The following NLGN4X variants were observed in gnomAD, a reference collection of about 807,000 sequenced individuals.
The protein encoded by NLGN4X is neuroligin-4, X-linked.
NLGN4X carries 3 observed loss-of-function variants against 40.3 expected under a neutral mutation model. That is an observed-to-expected ratio of 0.07 (90% CI 0.03 to 0.19). NLGN4X has a LOEUF of 0.19. Among genes scored for constraint, NLGN4X ranks in the 10% least tolerant of loss-of-function variants. The pLI, the probability that NLGN4X is intolerant of heterozygous loss-of-function variation, is 1.00. For missense variants in NLGN4X, 382 were observed against 708.3 expected, an observed-to-expected ratio of 0.54 and a Z score of 5.23; for synonymous variants, 270 against 306.8, an observed-to-expected ratio of 0.88 and a Z score of 1.25.
At chrX:6,090,594 A>G (rs2038611965) in intron 2 of NLGN4X, among the ~76,000 whole-genome samples, 1 of 112,036 alleles carries the variant, frequency 8.9e-6, no homozygotes. Flanking sequence ...TTAAGACTCA[A>G]TCAAAGAACA....
intron 2 of NLGN4X, among the ~76,000 whole-genome samples, chrX:6,114,215 C>G (rs1428232365): frequency 9.0e-6 from 1 of 111,610 alleles, no homozygotes; most frequent in Non-Finnish European, 1.9e-5. Context: ...TTTAAATCCT[C>G]AGAGACTTTA....
chrX:6,032,658 A>G, intron 2 of NLGN4X: 1 of 1,029,413 alleles, frequency 9.7e-7, no homozygotes, highest in East Asian at 3.1e-5. Flanking sequence ...AAAATCATGC[A>G]CTGGGGTTGA....
chrX:5,959,105 CAT>C (rs765880414), intron 3 of NLGN4X, among the ~76,000 whole-genome samples: 1 of 112,052 alleles, frequency 8.9e-6, no homozygotes, highest in Non-Finnish European at 1.9e-5. Context: ...GAAAACAGTT[CAT>C]ATGTCTCCTT....
chrX:6,077,297 T>TGTGTGTGTG (rs768386558), intron 2 of NLGN4X, among the ~76,000 whole-genome samples: 13 of 102,848 alleles, frequency 1.3e-4, no homozygotes, highest in South Asian at 4.5e-4. Flanking sequence ...TGTGTGTGTC[T>TGTGTGTGTG]GTGTGTGTGT....
intron 3 of NLGN4X, among the ~76,000 whole-genome samples, chrX:6,010,938 C>T (rs2036236694): frequency 9.0e-6 from 1 of 111,551 alleles, no homozygotes; most frequent in Admixed American, 9.6e-5. Flanking sequence ...AATAAATGAG[C>T]TCAGGATAAA....
At chrX:6,156,011 G>A (rs1477357968) in intron 1 of NLGN4X, among the ~76,000 whole-genome samples, 1 of 112,113 alleles carries the variant, frequency 8.9e-6, no homozygotes, top group Non-Finnish European at 1.9e-5. Context: ...ACTTAAAAGA[G>A]GAACTACCAT....
intron 3 of NLGN4X, among the ~76,000 whole-genome samples, chrX:6,023,257 T>C (rs1455016391): frequency 9.0e-6 from 1 of 111,721 alleles, no homozygotes; most frequent in African/African-American, 3.3e-5. Context: ...AATGCCACCA[T>C]CACCGTGAAC....
At chrX:6,173,705 T>C (rs1338718742) in intron 1 of NLGN4X, among the ~76,000 whole-genome samples, 1 of 111,948 alleles carries the variant, frequency 8.9e-6, no homozygotes, top group Non-Finnish European at 1.9e-5. Flanking sequence ...TTCTACTGGG[T>C]TGTCCACAGT....
intron 3 of NLGN4X, among the ~76,000 whole-genome samples, chrX:5,948,066 A>G (rs1004811522): frequency 1.2e-4 from 13 of 111,844 alleles, no homozygotes; most frequent in African/African-American, 3.9e-4. Context: ...AGTAGGTGGG[A>G]ATGTATTGAA....
In NLGN4X at chrX:6,017,248, G is replaced by A. The variant is rs187238570; in HGVS notation, c.625+12032C>T. 3.8e-3 allele frequency among the ~76,000 whole-genome samples: 427 copies of A among 111,825 alleles called. 4 individuals are homozygous for A. Among genetic ancestry groups the A allele is most frequent in the African/African-American group, 0.013 (408 of 30,871 alleles). ...CATTAAAAGTATCAGAAGTGCCAGAGAAAATGCTTATGACATTTCTGTGGC... is the reference window on the plus strand; with the variant it reads ...CATTAAAAGTATCAGAAGTGCCAGAAAAAATGCTTATGACATTTCTGTGGC... On this transcript the variant is annotated intron_variant, in intron 3 of 5. Coordinates refer to ENST00000381095, the MANE Select transcript of NLGN4X (RefSeq NM_181332.3).
chrX:6,157,110 A>T (rs1486158528), intron 1 of NLGN4X, among the ~76,000 whole-genome samples: 1 of 78,054 alleles, frequency 1.3e-5, no homozygotes, highest in Non-Finnish European at 2.6e-5. Flanking sequence ...AATTAGCAAG[A>T]CCCCATCTCT....
chrX:6,123,674 G>A (rs1348338066), intron 2 of NLGN4X, among the ~76,000 whole-genome samples: 6 of 108,641 alleles, frequency 5.5e-5, no homozygotes. Flanking sequence ...TAGCTAATAA[G>A]ACTAGATACA....
intron 1 of NLGN4X, among the ~76,000 whole-genome samples, chrX:6,180,605 G>A (rs906444261): frequency 9.0e-6 from 1 of 111,381 alleles, no homozygotes; most frequent in Non-Finnish European, 1.9e-5. Flanking sequence ...ATGCAAGAAC[G>A]GACTAATACA....
chrX:6,142,177 G>A (rs972241091), intron 2 of NLGN4X, among the ~76,000 whole-genome samples: 7 of 112,228 alleles, frequency 6.2e-5, no homozygotes, highest in Admixed American at 9.5e-5. Context: ...TTCATGTATT[G>A]GAAGATTATG....
intron 3 of NLGN4X, among the ~76,000 whole-genome samples, chrX:6,018,468 G>A: frequency 8.9e-6 from 1 of 111,817 alleles, no homozygotes; most frequent in Middle Eastern, 4.7e-3. Context: ...ATCATGTTAT[G>A]CCTGTCTACA....
chrX:5,925,825 C>CATATATATAT (rs1181288808), intron 3 of NLGN4X, among the ~76,000 whole-genome samples: 1 of 43,364 alleles, frequency 2.3e-5, no homozygotes, highest in Non-Finnish European at 3.8e-5. Flanking sequence ...TGAATCCCAC[C>CATATATATAT]ATATATATAT....
chrX:6,226,053 A>G, intron 1 of NLGN4X, among the ~76,000 whole-genome samples: 1 of 96,232 alleles, frequency 1.0e-5, no homozygotes, highest in East Asian at 3.6e-4. Flanking sequence ...TCCAAATGAC[A>G]GATCGGGATC....
intron 2 of NLGN4X, among the ~76,000 whole-genome samples, chrX:6,098,282 G>C (rs1016276457): frequency 4.5e-5 from 5 of 112,044 alleles, no homozygotes; most frequent in Admixed American, 1.9e-4. Context: ...GTGGGTGGCA[G>C]AGCGAGGCTC....
rs770560335 is a variant in NLGN4X at position 6,113,551 on chromosome X, A to C, written c.472+37444T>G. Among the ~76,000 whole-genome samples the C allele has an allele frequency of 2.7e-5, 3 of 110,833 alleles. No homozygotes were observed. The East Asian group carries it at 8.5e-4, about 31-fold the overall frequency. ...TACTAGATGTTAGAGAAAGACAAGA[A>C]ACTAAAAACTTACAACATTGCAATA... On this transcript the variant is annotated intron_variant, in intron 2 of 5. Transcript: ENST00000381095.
Sources: gnomAD v4.1 joint callset for allele counts (sites outside exome capture counted in the v4.1 genomes callset) on GRCh38, gnomAD v4.1.1 for gene constraint, MANE v1.5 for transcripts, NCBI Gene and HGNC (gene_info 2026-07-23, HGNC 2026-07-21) for gene names.